TRIO: variants seen among roughly 807,000 people sequenced by gnomAD.
The protein encoded by TRIO is triple functional domain protein.
TRIO carries 58 observed loss-of-function variants against 351.9 expected under a neutral mutation model. The ratio of observed to expected loss-of-function variants is 0.16; its 90% CI spans 0.13 to 0.21. The LOEUF is 0.21. Ranked by LOEUF, TRIO falls within the 10% of genes least tolerant of loss-of-function variation. The pLI is 1.00. For synonymous variants in TRIO, 1,758 were observed against 1,595.7 expected (o/e 1.10, Z -2.42); for missense variants, 3,201 against 4,027.8 (o/e 0.79, Z 5.56).
chr5:14,306,465 C>G (rs1447070887), intron 8 of TRIO, among the ~76,000 whole-genome samples: 3 of 152,206 alleles, frequency 2.0e-5, no homozygotes, highest in African/African-American at 7.2e-5. Context: ...TGTGCCATCT[C>G]TATGCATTGT....
intron 2 of TRIO, among the ~76,000 whole-genome samples, chr5:14,274,541 T>G (rs1171700407): frequency 2.0e-5 from 3 of 152,226 alleles, no homozygotes; most frequent in Non-Finnish European, 4.4e-5. Flanking sequence ...GGTGATATTC[T>G]ACTTATGTCC....
chr5:14,452,285 A>G lies in TRIO; in HGVS notation c.5204-8734A>G, dbSNP rs557181334. The stretch of plus-strand genomic sequence containing the variant: ...TCTGCTTCATCCTGCTTTCTTCCTC[A>G]GCCTTCTGCAGCTTTTTCCTACACA... On this transcript the variant is annotated intron_variant, in intron 34 of 56. Coordinates refer to ENST00000344204, the MANE Select transcript of TRIO (RefSeq NM_007118.4). Among the ~76,000 whole-genome samples, 5 of 152,314 alleles carry G rather than the reference A, an allele frequency of 3.3e-5. No homozygotes were observed. The East Asian group carries it at 5.8e-4, about 18-fold the overall frequency.
Position 14,473,930 on chromosome 5 carries a change from A to G in TRIO, c.5980-64A>G, listed in dbSNP as rs1321778846. On this transcript the variant is annotated intron_variant, in intron 39 of 56. Transcript: ENST00000344204. ...TTTTGCCCTCTGTGACTATTAATCA[A>G]TAAGCCACTAGTTGATTCAGACATA... 5 of 1,519,418 alleles carry G rather than the reference A, an allele frequency of 3.3e-6. No individual in the cohort carries two copies. The Admixed American group carries it at 6.8e-5, about 21-fold the overall frequency. The allele number at this position is 1,519,418 out of a possible 1,614,324, so 94.1% of individuals were successfully genotyped here.
intron 1 of TRIO, among the ~76,000 whole-genome samples, chr5:14,223,024 T>C (rs1416181480): frequency 2.0e-5 from 3 of 152,188 alleles, no homozygotes; most frequent in Non-Finnish European, 4.4e-5. Flanking sequence ...GCCTTTTGTC[T>C]CTGGGATAGC....
intron 1 of TRIO, among the ~76,000 whole-genome samples, chr5:14,160,696 A>G (rs1025231262): frequency 1.3e-5 from 2 of 152,242 alleles, no homozygotes; most frequent in Admixed American, 6.5e-5. Context: ...GATGCTCTTA[A>G]AAAGACATCA....
intron 34 of TRIO, among the ~76,000 whole-genome samples, chr5:14,458,039 G>T (rs919704622): frequency 2.7e-5 from 4 of 149,796 alleles, no homozygotes; most frequent in South Asian, 4.2e-4. Flanking sequence ...GTGGGCCTGG[G>T]TCTTTTTTTT....
At chr5:14,339,291 G>T (rs994041624) in intron 11 of TRIO, among the ~76,000 whole-genome samples, 3 of 152,184 alleles carry the variant, frequency 2.0e-5, no homozygotes, top group Admixed American at 1.3e-4. Flanking sequence ...ATTGGCTTTT[G>T]TAACAGCAGT....
At chr5:14,197,644 C>T (rs1790863041) in intron 1 of TRIO, among the ~76,000 whole-genome samples, 1 of 152,160 alleles carries the variant, frequency 6.6e-6, no homozygotes, top group Non-Finnish European at 1.5e-5. Context: ...CTAGGTTAAC[C>T]TGCCTTAGTT....
intron 48 of TRIO, among the ~76,000 whole-genome samples, chr5:14,491,630 G>C (rs943717850): frequency 3.3e-5 from 5 of 152,174 alleles, no homozygotes; most frequent in African/African-American, 1.2e-4. Flanking sequence ...CTCTGTGTGT[G>C]GCCTGGGTAG....
At chr5:14,341,264 GTTTA>G (rs1242452011) in intron 11 of TRIO, among the ~76,000 whole-genome samples, 1 of 152,110 alleles carries the variant, frequency 6.6e-6, no homozygotes, top group African/African-American at 2.4e-5. Flanking sequence ...ATTTTTCACT[GTTTA>G]TTTGTTCATT....
intron 18 of TRIO, among the ~76,000 whole-genome samples, chr5:14,372,224 T>G (rs1402265755): frequency 1.3e-4 from 7 of 55,660 alleles, no homozygotes; most frequent in African/African-American, 1.5e-4. Flanking sequence ...GGGGGGGCGA[T>G]GGTGGGGGAA....
chr5:14,300,885 G>C (rs1285373954), intron 7 of TRIO, among the ~76,000 whole-genome samples: 3 of 152,136 alleles, frequency 2.0e-5, no homozygotes, highest in East Asian at 1.9e-4. Context: ...TTATAAACAT[G>C]ACATAGATGC....
intron 11 of TRIO, among the ~76,000 whole-genome samples, chr5:14,337,603 T>G (rs959594252): frequency 6.6e-6 from 1 of 151,738 alleles, no homozygotes; most frequent in African/African-American, 2.4e-5. Context: ...TCTGGAAGAG[T>G]AGGACTACTG....
chr5:14,263,090 GCA>G (rs1795456377), intron 1 of TRIO, among the ~76,000 whole-genome samples: 1 of 152,040 alleles, frequency 6.6e-6, no homozygotes, highest in Non-Finnish European at 1.5e-5. Context: ...TCCACACTTC[GCA>G]CAGATCTTTT....
chr5:14,290,956 T>G lies in TRIO; in HGVS notation c.781T>G (p.Ser261Ala), dbSNP rs1424053422. The change falls in exon 5 of 57, where the codon TCT becomes GCT. Residue 261 changes from serine (S) to alanine (A), a missense_variant. By Grantham distance (99) the Ser-to-Ala change is moderately conservative (BLOSUM62 1). This residue lies in a region of TRIO where 349 missense variants were observed against 449.3 expected (regional missense o/e 0.78). Transcript: ENST00000344204. ...GGCTCGGAATATGATCGAGGAACAT[T>G]CTCAGCTGAAGAAGAAGGTGATTAA... is the stretch of plus-strand genomic sequence containing the variant. ...EGARNMIEEH[S>A]QLKKKVIKAP... The G allele has an allele frequency of 6.2e-7, 1 of 1,614,150 alleles. No homozygotes were observed. The highest frequency in any genetic ancestry group is 8.5e-7 in the Non-Finnish European group (1 of 1,180,026).
At position 14,398,906 on chromosome 5, in the gene TRIO, G is replaced by A; in HGVS notation, c.4450G>A (p.Gly1484Arg). Residue 1484 changes from glycine to arginine, a missense_variant, in exon 30 of 57, where the codon GGA becomes AGA. Transcript: ENST00000344204. Reference sequence around the variant, plus strand: ...GTTTGATGAAAACATTGAGTCTCAGGGAGAACTCATCCTACAGGAATCCTT... The same window carrying A: ...GTTTGATGAAAACATTGAGTCTCAGAGAGAACTCATCCTACAGGAATCCTT... ...EGFDENIESQ[G>R]ELILQESFQV... The A allele has an allele frequency of 6.2e-7, 1 of 1,614,064 alleles. No homozygotes were observed. The highest frequency in any genetic ancestry group is 8.5e-7 in the Non-Finnish European group (1 of 1,179,996).
chr5:14,357,149 C>A (rs10062034), intron 11 of TRIO, among the ~76,000 whole-genome samples: 1 of 152,224 alleles, frequency 6.6e-6, no homozygotes, highest in African/African-American at 2.4e-5. Flanking sequence ...ACCACATGCA[C>A]ACACAGTTTC....
chr5:14,484,636 C>A (rs1318300094), intron 46 of TRIO, among the ~76,000 whole-genome samples: 1 of 152,098 alleles, frequency 6.6e-6, no homozygotes, highest in Non-Finnish European at 1.5e-5. Context: ...ATAAATGTTC[C>A]ATCTTTAATT....
chr5:14,255,299 A>C (rs548027308), intron 1 of TRIO, among the ~76,000 whole-genome samples: 6 of 152,366 alleles, frequency 3.9e-5, no homozygotes, highest in Non-Finnish European at 8.8e-5. Flanking sequence ...CTAGGCGTAG[A>C]GATCCACTGG....
Sources: allele counts gnomAD v4.1 joint callset (sites outside exome capture counted in the v4.1 genomes callset), GRCh38; gene constraint gnomAD v4.1.1; regional missense constraint gnomAD v4.1.1; transcripts MANE v1.5; gene names NCBI Gene and HGNC (gene_info 2026-07-23, HGNC 2026-07-21).